The following MAFK variants were observed in gnomAD, a reference collection of about 807,000 sequenced individuals.
MAFK encodes transcription factor MafK.
Under a neutral mutation model 9.2 loss-of-function variants are expected in MAFK, and 1 was observed. That is an observed-to-expected ratio of 0.11 (90% CI 0.04 to 0.52). The LOEUF is 0.52. Ranked by LOEUF, MAFK falls within the 20% of genes least tolerant of loss-of-function variation. The pLI, the probability that MAFK is intolerant of heterozygous loss-of-function variation, is 0.94. For synonymous variants in MAFK, 110 were observed against 107.4 expected (o/e 1.02, Z -0.15); for missense variants, 207 against 236.0 (o/e 0.88, Z 0.81).
Position 1,542,157 on chromosome 7 carries a change from C to G in MAFK, c.*1782C>G, listed in dbSNP as rs1007508825. 1 of 152,416 alleles carries G rather than the reference C, an allele frequency of 6.6e-6. No individual in the cohort carries two copies. Among genetic ancestry groups the G allele is most frequent in the Non-Finnish European group, 1.5e-5 (1 of 68,054 alleles). The allele number at this position is 152,416 out of a possible 1,614,324, so 9.4% of individuals were successfully genotyped here. A position where few individuals can be genotyped will look rare whatever the true frequency, so the allele number is the denominator to read the frequency against. ...TGCGTGTTCCCAAACAGCCGTTGCC[C>G]CCGTGGCCGTGGTAGGTAATCCATA... On this transcript the variant is annotated 3_prime_UTR_variant, in exon 3 of 3. Transcript: ENST00000343242.
At chr7:1,531,224 G>GT (rs1455749718) in intron 1 of MAFK, among the ~76,000 whole-genome samples, 2 of 149,888 alleles carry the variant, frequency 1.3e-5, no homozygotes, top group Non-Finnish European at 3.0e-5. Context: ...ACGCGGGTCG[G>GT]CGGCGCGCAT....
In MAFK at chr7:1,534,222, G is replaced by T. The variant is rs73285463; in HGVS notation, c.-45+3324G>T. The T allele has an allele frequency of 2.2e-6, 1 of 455,090 alleles. No individual in the cohort carries two copies. The highest frequency in any genetic ancestry group is 4.4e-6 in the Non-Finnish European group (1 of 226,120). The allele number at this position is 455,090 out of a possible 1,614,324, so 28.2% of individuals were successfully genotyped here. On this transcript the variant is annotated intron_variant, in intron 1 of 2. Coordinates refer to ENST00000343242, the MANE Select transcript of MAFK (RefSeq NM_002360.4). This position sits in a 1 kb window ranked among gnomAD's most constrained non-coding sequence, Gnocchi z 4.3. ...GGACAGCCGGACAGTGGGGGCCCTC[G>T]CAGTGTAGGACCTCATCCTCAGTAG...
intron 1 of MAFK, chr7:1,537,445 C>G: frequency 1.0e-6 from 1 of 985,562 alleles, no homozygotes; most frequent in Non-Finnish European, 1.2e-6. Context: ...GCCCCTCCCT[C>G]TGACATGGAA....
Position 1,542,701 on chromosome 7 carries a change from CTCTT to C in MAFK, c.*2328_*2331del, listed in dbSNP as rs1784224416. 6.6e-6 allele frequency: 1 copy of C among 152,524 alleles called. No homozygotes were observed. The highest frequency in any genetic ancestry group is 2.4e-5 in the African/African-American group (1 of 41,458). The allele number at this position is 152,524 out of a possible 1,614,324, so 9.4% of individuals were successfully genotyped here. On this transcript the variant is annotated 3_prime_UTR_variant, in exon 3 of 3. Coordinates refer to ENST00000343242, the MANE Select transcript of MAFK (RefSeq NM_002360.4). Reference sequence around the variant, plus strand: ...TTTTATTTAAGAAAAAGACGAGGGACTCTTTGTCACGTGGGTTTGTTTTCTGTCT... The same window carrying C: ...TTTTATTTAAGAAAAAGACGAGGGACTGTCACGTGGGTTTGTTTTCTGTCT...
chr7:1,531,893 G>T (rs977161080), intron 1 of MAFK, among the ~76,000 whole-genome samples: 1 of 152,228 alleles, frequency 6.6e-6, no homozygotes, highest in Non-Finnish European at 1.5e-5. Flanking sequence ...GGTGTCCTGC[G>T]TCCCTGAGCA....
chr7:1,536,324 G>C (rs1043290521), intron 1 of MAFK, among the ~76,000 whole-genome samples: 1 of 152,194 alleles, frequency 6.6e-6, no homozygotes, highest in African/African-American at 2.4e-5. Context: ...TTAGCTGCTG[G>C]GCGTAAGACA....
chr7:1,534,118 C>T lies in MAFK; in HGVS notation c.-45+3220C>T. The T allele has an allele frequency of 4.9e-6, 2 of 406,980 alleles. No individual in the cohort carries two copies. The highest frequency in any genetic ancestry group is 1.0e-5 in the Non-Finnish European group (2 of 194,990). 25.2% of individuals were successfully genotyped at this position (406,980 alleles called of 1,614,324 possible). ...CTTGCTGGAGGGCAGCCAGCCAGGGCCAGGCTGCTGGCTGGTATGGGCCGG... is the reference window on the plus strand; with the variant it reads ...CTTGCTGGAGGGCAGCCAGCCAGGGTCAGGCTGCTGGCTGGTATGGGCCGG... On this transcript the variant is annotated intron_variant, in intron 1 of 2. Transcript: ENST00000343242. This position sits in a 1 kb window ranked among gnomAD's most constrained non-coding sequence, Gnocchi z 4.3.
intron 1 of MAFK, 31 bp downstream of exon 1, chr7:1,530,929 CCGCGGCGGGGACGGGGACCGGGG>C (rs1030643898): frequency 3.3e-4 from 47 of 143,704 alleles, no homozygotes; most frequent in African/African-American, 1.1e-3. Flanking sequence ...GGGGCCCGGG[CCGCGGCGGGGACGGGGACCGGGG>C]CGCGGGGCCG....
rs1361699494 is a variant in MAFK, at chr7:1,534,707, C to G, written c.-45+3809C>G. 2.0e-5 allele frequency: 9 copies of G among 452,012 alleles called. No individual in the cohort carries two copies. The highest frequency in any genetic ancestry group is 4.0e-5 in the Non-Finnish European group (9 of 223,820). The allele number at this position is 452,012 out of a possible 1,614,324, so 28.0% of individuals were successfully genotyped here. A position where few individuals can be genotyped will look rare whatever the true frequency, so the allele number is the denominator to read the frequency against. ...ATGGAGTCTGTGTCATCATTCACCCCTTGGGCAAGAACAAGTGACCCATCC... is the reference window on the plus strand; with the variant it reads ...ATGGAGTCTGTGTCATCATTCACCCGTTGGGCAAGAACAAGTGACCCATCC... On this transcript the variant is annotated intron_variant, in intron 1 of 2. Coordinates refer to ENST00000343242, the MANE Select transcript of MAFK (RefSeq NM_002360.4). This position sits in a 1 kb window ranked among gnomAD's most constrained non-coding sequence, Gnocchi z 4.3.
At chr7:1,531,294 T>C (rs908753021) in intron 1 of MAFK, among the ~76,000 whole-genome samples, 5 of 149,528 alleles carry the variant, frequency 3.3e-5, no homozygotes. Context: ...GTGCGGGCGG[T>C]GCGGGGAGGG....
rs1012536312 is a variant in MAFK at position 1,534,874 on chromosome 7, G to A, written c.-45+3976G>A. On this transcript the variant is annotated intron_variant, in intron 1 of 2. Coordinates refer to ENST00000343242, the MANE Select transcript of MAFK (RefSeq NM_002360.4). This position sits in a 1 kb window ranked among gnomAD's most constrained non-coding sequence, Gnocchi z 4.3. ...GACCGTTCAGAGGGGTCATCCAGCC[G>A]TCAGCTGCTCAACTCACTTTTGCAC... 8 of 303,994 alleles carry A rather than the reference G, an allele frequency of 2.6e-5. No homozygotes were observed. Among genetic ancestry groups the A allele is most frequent in the African/African-American group, 4.4e-5 (2 of 45,726 alleles). 18.8% of individuals were successfully genotyped at this position (303,994 alleles called of 1,614,324 possible). A position where few individuals can be genotyped will look rare whatever the true frequency, so the allele number is the denominator to read the frequency against.
At position 1,542,769 on chromosome 7, in the gene MAFK, G is replaced by A. The variant is rs1026280960; in HGVS notation, c.*2394G>A. 7 of 152,588 alleles carry A rather than the reference G, an allele frequency of 4.6e-5. No individual in the cohort carries two copies. The highest frequency in any genetic ancestry group is 7.2e-5 in the African/African-American group (3 of 41,448). 9.5% of individuals were successfully genotyped at this position (152,588 alleles called of 1,614,324 possible). On this transcript the variant is annotated 3_prime_UTR_variant, in exon 3 of 3. Transcript: ENST00000343242. ...TTCCCAAAGAGATCCAGGTCTTTGC[G>A]TTTCCAGGGCGTGGGGACCCCGGCC...
chr7:1,540,473 C>T lies in MAFK; in HGVS notation c.*98C>T. The T allele has an allele frequency of 2.4e-6, 3 of 1,232,910 alleles. No individual in the cohort carries two copies. The highest frequency in any genetic ancestry group is 2.2e-6 in the Non-Finnish European group (2 of 907,622). 76.4% of individuals were successfully genotyped at this position (1,232,910 alleles called of 1,614,324 possible). ...TCACTGGGATGCAGACTCTCGACAT[C>T]CGAGTCCAAGCGCAGGCCCCTCGGG... On this transcript the variant is annotated 3_prime_UTR_variant, in exon 3 of 3. Transcript: ENST00000343242.
At chr7:1,539,577 A>T (rs1784125668) in intron 2 of MAFK, among the ~76,000 whole-genome samples, 2 of 152,182 alleles carry the variant, frequency 1.3e-5, no homozygotes, top group African/African-American at 4.8e-5. Context: ...CCAGCTCCCA[A>T]GGCCCGAGCC....
chr7:1,534,580 C>A lies in MAFK; in HGVS notation c.-45+3682C>A. On this transcript the variant is annotated intron_variant, in intron 1 of 2. Coordinates refer to ENST00000343242, the MANE Select transcript of MAFK (RefSeq NM_002360.4). This position sits in a 1 kb window ranked among gnomAD's most constrained non-coding sequence, Gnocchi z 4.3. Reference sequence around the variant, plus strand: ...GTTCCTGGTCTTCCTCCTGCCCCTCCTCCCTCTCCCGCATCCCACATCCTC... The same window carrying A: ...GTTCCTGGTCTTCCTCCTGCCCCTCATCCCTCTCCCGCATCCCACATCCTC... 1 of 456,470 alleles carries A rather than the reference C, an allele frequency of 2.2e-6. No homozygotes were observed. The highest frequency in any genetic ancestry group is 1.5e-5 in the South Asian group (1 of 64,588). 28.3% of individuals were successfully genotyped at this position (456,470 alleles called of 1,614,324 possible).
rs779225481 is a variant in MAFK at position 1,534,210 on chromosome 7, G to T, written c.-45+3312G>T. 2.6e-5 allele frequency: 12 copies of T among 454,908 alleles called. No homozygotes were observed. Among genetic ancestry groups the T allele is most frequent in the Non-Finnish European group, 4.9e-5 (11 of 226,018 alleles). 28.2% of individuals were successfully genotyped at this position (454,908 alleles called of 1,614,324 possible). A position where few individuals can be genotyped will look rare whatever the true frequency, so the allele number is the denominator to read the frequency against. ...GGGCTGTGTCCGGGACAGCCGGACA[G>T]TGGGGGCCCTCGCAGTGTAGGACCT... On this transcript the variant is annotated intron_variant, in intron 1 of 2. Coordinates refer to ENST00000343242, the MANE Select transcript of MAFK (RefSeq NM_002360.4). This position sits in a 1 kb window ranked among gnomAD's most constrained non-coding sequence, Gnocchi z 4.3.
At position 1,538,976 on chromosome 7, in the gene MAFK, C is replaced by T. The variant is rs939258528; in HGVS notation, c.-44-173C>T. 5 of 599,990 alleles carry T rather than the reference C, an allele frequency of 8.3e-6. No homozygotes were observed. The Admixed American group carries it at 1.2e-4, about 15-fold the overall frequency. The allele number at this position is 599,990 out of a possible 1,614,324, so 37.2% of individuals were successfully genotyped here. On this transcript the variant is annotated intron_variant, in intron 1 of 2. Transcript: ENST00000343242. The stretch of plus-strand genomic sequence containing the variant: ...AGAGGCCGGGCCAGGATGCCTCACC[C>T]CCTGGGAAGCCCCTCAGGACGGGCT...
chr7:1,535,213 C>T (rs1287786485), intron 1 of MAFK, among the ~76,000 whole-genome samples: 1 of 151,656 alleles, frequency 6.6e-6, no homozygotes, highest in East Asian at 1.9e-4. Flanking sequence ...TGCCCAGTCC[C>T]AACTTGGTGG....
In MAFK at chr7:1,530,779, C is replaced by G. The variant is rs976040869; in HGVS notation, c.-164C>G. 4.0e-5 allele frequency: 6 copies of G among 148,172 alleles called. No homozygotes were observed. Among genetic ancestry groups the G allele is most frequent in the Admixed American group, 4.0e-4 (6 of 14,864 alleles). The allele number at this position is 148,172 out of a possible 1,614,324, so 9.2% of individuals were successfully genotyped here. On this transcript the variant is annotated 5_prime_UTR_variant, in exon 1 of 3. Transcript: ENST00000343242. ...GGGCACTTGTTGTTCTTCGCGAAGT[C>G]GGAGCCCGAGCGCCAGGCGGCGGCG...
Sources: gnomAD v4.1 joint callset for allele counts (sites outside exome capture counted in the v4.1 genomes callset) on GRCh38, gnomAD v4.1.1 for gene constraint, Gnocchi (gnomAD v3.1) non-coding constraint, MANE v1.5 for transcripts, NCBI Gene and HGNC (gene_info 2026-07-23, HGNC 2026-07-21) for gene names.